The following CSMD3 variants were observed in gnomAD, a reference collection of about 807,000 sequenced individuals.
The protein encoded by CSMD3 is CUB and sushi domain-containing protein 3.
In CSMD3, 177 loss-of-function variants were observed where a neutral mutation model predicts 435.2. The ratio of observed to expected loss-of-function variants is 0.41; its 90% confidence interval spans 0.36 to 0.46. CSMD3 has a LOEUF of 0.46. CSMD3 is among the 20% of genes least tolerant of loss of function. The probability of loss-of-function intolerance (pLI) is 0.34; values close to 1 mark genes in which losing one functional copy is unlikely to be tolerated. For missense variants in CSMD3, 4,265 were observed against 4,504.6 expected (o/e 0.95, Z 1.52); for synonymous variants, 1,656 against 1,520.5 (o/e 1.09, Z -2.07).
intron 22 of CSMD3, among the ~76,000 whole-genome samples, chr8:112,617,781 T>C (rs1833771814): frequency 6.6e-6 from 1 of 152,124 alleles, no homozygotes; most frequent in Non-Finnish European, 1.5e-5. Flanking sequence ...TTCCAAGCTT[T>C]CAGAATAATA....
In CSMD3 at chr8:113,436,878, T is replaced by G; in HGVS notation, c.-24A>C. The stretch of plus-strand genomic sequence containing the variant: ...ATATTATTCGCGAGCTCCTAATTCC[T>G]GCTCCTCAGCCCGGCGCAGTGGAGT... On this transcript the variant is annotated 5_prime_UTR_variant, in exon 1 of 71. Transcript: ENST00000297405. 6.2e-7 allele frequency: 1 copy of G among 1,613,230 alleles called. No homozygotes were observed. Among genetic ancestry groups the G allele is most frequent in the Non-Finnish European group, 8.5e-7 (1 of 1,179,918 alleles).
At chr8:112,999,767 ATAT>A (rs2085794062) in intron 6 of CSMD3, among the ~76,000 whole-genome samples, 1 of 151,764 alleles carries the variant, frequency 6.6e-6, no homozygotes, top group Non-Finnish European at 1.5e-5. Context: ...GGACTTGCTG[ATAT>A]GAGAAAAAAT....
chr8:112,775,486 T>C (rs1422904085), intron 13 of CSMD3, among the ~76,000 whole-genome samples: 1 of 151,422 alleles, frequency 6.6e-6, no homozygotes, highest in African/African-American at 2.4e-5. Context: ...TTAAGTTTCG[T>C]TTTTTAGTAA....
intron 1 of CSMD3, among the ~76,000 whole-genome samples, chr8:113,387,486 C>A (rs373238928): frequency 6.6e-6 from 1 of 151,610 alleles, no homozygotes; most frequent in Non-Finnish European, 1.5e-5. Context: ...TCCATACTTT[C>A]GAAGTATTCA....
At chr8:113,430,934 T>C (rs1309990572) in intron 1 of CSMD3, among the ~76,000 whole-genome samples, 1 of 152,144 alleles carries the variant, frequency 6.6e-6, no homozygotes, top group Non-Finnish European at 1.5e-5. Context: ...ACATGAAATA[T>C]ATTTGATGGC....
At chr8:112,749,649 A>G (rs1276244455) in intron 13 of CSMD3, among the ~76,000 whole-genome samples, 1 of 152,120 alleles carries the variant, frequency 6.6e-6, no homozygotes, top group African/African-American at 2.4e-5. Context: ...AATGAATATT[A>G]TTGTGCAGCA....
In CSMD3 at chr8:112,739,528, C is replaced by T. The variant is rs535305416; in HGVS notation, c.1973-49478G>A. 3.3e-5 allele frequency among the ~76,000 whole-genome samples: 5 copies of T among 151,814 alleles called. No individual in the cohort carries two copies. The East Asian group carries it at 9.7e-4, about 29-fold the overall frequency. Reference sequence around the variant, plus strand: ...CAGGAAGAAACAATGAGAACAAATTCAATTTGGCATTTCCAGACTAACTAT... The same window carrying T: ...CAGGAAGAAACAATGAGAACAAATTTAATTTGGCATTTCCAGACTAACTAT... On this transcript the variant is annotated intron_variant, in intron 13 of 70. Transcript: ENST00000297405.
intron 3 of CSMD3, among the ~76,000 whole-genome samples, chr8:113,227,719 G>T (rs924028879): frequency 6.6e-6 from 1 of 151,522 alleles, no homozygotes; most frequent in African/African-American, 2.4e-5. Context: ...TTTCCTTCAC[G>T]TTCCACCATA....
At chr8:112,637,234 G>T (rs953631649) in intron 21 of CSMD3, among the ~76,000 whole-genome samples, 22 of 152,148 alleles carry the variant, frequency 1.4e-4, no homozygotes, top group Admixed American at 1.2e-3. Context: ...ATATAGATGA[G>T]AAAATATCAC....
intron 1 of CSMD3, among the ~76,000 whole-genome samples, chr8:113,426,143 C>T (rs963673580): frequency 2.4e-4 from 36 of 151,282 alleles, no homozygotes; most frequent in African/African-American, 8.5e-4. Flanking sequence ...GCATATGCAG[C>T]CTTTAGCAAC....
At chr8:112,723,136 C>T (rs774449648) in intron 13 of CSMD3, among the ~76,000 whole-genome samples, 7 of 151,802 alleles carry the variant, frequency 4.6e-5, no homozygotes, top group Non-Finnish European at 8.8e-5. Flanking sequence ...AATCATTAAC[C>T]TAAGTATGCA....
intron 7 of CSMD3, among the ~76,000 whole-genome samples, chr8:112,967,031 T>C (rs1407083549): frequency 6.6e-6 from 1 of 151,918 alleles, no homozygotes; most frequent in Non-Finnish European, 1.5e-5. Flanking sequence ...ACTCAGTGTA[T>C]GAGCAAACCT....
chr8:113,393,293 G>A (rs1203346720), intron 1 of CSMD3, among the ~76,000 whole-genome samples: 1 of 151,958 alleles, frequency 6.6e-6, no homozygotes, highest in East Asian at 1.9e-4. Flanking sequence ...TTGATCTCCT[G>A]TTTACTGCAA....
intron 1 of CSMD3, among the ~76,000 whole-genome samples, chr8:113,385,483 G>A (rs1301115071): frequency 6.6e-6 from 1 of 152,080 alleles, no homozygotes; most frequent in Admixed American, 6.6e-5. Flanking sequence ...CTTGAATGGT[G>A]TGCCAGGTCT....
chr8:112,501,340 G>A (rs1404612788), intron 30 of CSMD3, among the ~76,000 whole-genome samples: 3 of 150,896 alleles, frequency 2.0e-5, no homozygotes, highest in African/African-American at 7.3e-5. Flanking sequence ...GTTGCAGTGA[G>A]CTGAGATCAC....
intron 4 of CSMD3, among the ~76,000 whole-genome samples, chr8:113,099,708 C>T (rs72685826): frequency 0.067 from 10,135 of 152,028 alleles, 455 homozygotes; most frequent in Non-Finnish European, 0.095. Context: ...CTCCACTAGT[C>T]TACTTTTGGC....
chr8:113,338,660 A>G (rs2094095296), intron 1 of CSMD3, among the ~76,000 whole-genome samples: 3 of 152,024 alleles, frequency 2.0e-5, no homozygotes, highest in African/African-American at 4.8e-5. Flanking sequence ...TTCATATGAA[A>G]TGTCCAGAAT....
At chr8:112,238,316 A>G (rs991918783) in intron 66 of CSMD3, among the ~76,000 whole-genome samples, 1 of 151,992 alleles carries the variant, frequency 6.6e-6, no homozygotes, top group African/African-American at 2.4e-5. Flanking sequence ...TTCATCTGAT[A>G]TATGCATGTA....
chr8:112,498,305 T>C (rs551571303), intron 30 of CSMD3, among the ~76,000 whole-genome samples: 2 of 152,230 alleles, frequency 1.3e-5, no homozygotes, highest in African/African-American at 4.8e-5. Flanking sequence ...AGTAAGTGCA[T>C]AGTAAACAAC....
Sources: gnomAD v4.1 joint callset for allele counts (sites outside exome capture counted in the v4.1 genomes callset) on GRCh38, gnomAD v4.1.1 for gene constraint, MANE v1.5 for transcripts, NCBI Gene and HGNC (gene_info 2026-07-23, HGNC 2026-07-21) for gene names.